Variants in SUMF1 observed in about 807,000 individuals in gnomAD.
The protein encoded by SUMF1 is sulfatase modifying factor 1, also known as formylglycine-generating enzyme.
A neutral mutation model predicts 47.6 loss-of-function variants in SUMF1; 48 were observed. The ratio of observed to expected loss-of-function variants is 1.01; its 90% CI spans 0.80 to 1.28. SUMF1 has a LOEUF of 1.28. Ranked by LOEUF, SUMF1 falls within the 50% of genes most tolerant of loss-of-function variation. SUMF1 has a pLI of 0.00. For missense variants in SUMF1, 571 were observed against 485.4 expected (o/e 1.18, Z -1.66); for synonymous variants, 230 against 192.1 (o/e 1.20, Z -1.63).
At chr3:4,215,055 A>G (rs956628743) in intron 8 of SUMF1, among the ~76,000 whole-genome samples, 6 of 152,114 alleles carry the variant, frequency 3.9e-5, no homozygotes, top group African/African-American at 1.2e-4. Context: ...TATGAGGCCA[A>G]CATCATCCTG....
In SUMF1 at chr3:4,072,080, A is replaced by T. The variant is rs568264570; in HGVS notation, c.1015-3335T>A. ...TCTGGCAGGTGCCCCTCTAAGACAA[A>T]TTTTCCAGAGTAAGGATCAGGCAGC... is the stretch of plus-strand genomic sequence containing the variant. On this transcript the variant is annotated intron_variant and NMD_transcript_variant, in intron 8 of 12. Transcript: ENST00000448413. Among the ~76,000 whole-genome samples, 3 of 152,082 alleles carry T rather than the reference A, an allele frequency of 2.0e-5. No individual in the cohort carries two copies. In the East Asian group the frequency reaches 5.8e-4, roughly 29 times the overall value.
At chr3:4,192,279 T>C (rs971612347) in intron 8 of SUMF1, among the ~76,000 whole-genome samples, 2 of 152,090 alleles carry the variant, frequency 1.3e-5, no homozygotes, top group Non-Finnish European at 2.9e-5. Flanking sequence ...GTCCTAAACT[T>C]CCAGTTCCAA....
chr3:4,297,787 T>G (rs1697883768), intron 8 of SUMF1, among the ~76,000 whole-genome samples: 2 of 152,086 alleles, frequency 1.3e-5, no homozygotes, highest in South Asian at 4.1e-4. Context: ...TTTCCTCCTT[T>G]CATCACTGGC....
chr3:4,451,545 A>T (rs1702968764), intron 2 of SUMF1, among the ~76,000 whole-genome samples: 1 of 152,176 alleles, frequency 6.6e-6, no homozygotes, highest in Non-Finnish European at 1.5e-5. Context: ...AATTCTGCTT[A>T]TTCTATCTAA....
At chr3:4,093,895 A>G (rs1692842748) in intron 8 of SUMF1, among the ~76,000 whole-genome samples, 1 of 152,110 alleles carries the variant, frequency 6.6e-6, no homozygotes, top group African/African-American at 2.4e-5. Flanking sequence ...TTTCAGTTCT[A>G]AGAGAGGGGA....
At chr3:4,381,891 C>T (rs978694011) in intron 7 of SUMF1, among the ~76,000 whole-genome samples, 1 of 152,006 alleles carries the variant, frequency 6.6e-6, no homozygotes, top group African/African-American at 2.4e-5. Context: ...ACAAAAAATA[C>T]AAAAATTAGC....
intron 8 of SUMF1, among the ~76,000 whole-genome samples, chr3:4,311,716 T>C (rs1399433461): frequency 1.3e-5 from 2 of 152,244 alleles, no homozygotes; most frequent in Non-Finnish European, 2.9e-5. Context: ...CTAAGCTCAC[T>C]AGACCTGTTT....
chr3:4,066,245 G>A (rs67916312), intron 9 of SUMF1, among the ~76,000 whole-genome samples: 12,802 of 151,592 alleles, frequency 0.084, 1,331 homozygotes, highest in African/African-American at 0.25. Flanking sequence ...AATGATATCA[G>A]TTCAGTCAAC....
At chr3:4,437,823 T>C (rs1316136647) in intron 3 of SUMF1, among the ~76,000 whole-genome samples, 3 of 151,902 alleles carry the variant, frequency 2.0e-5, no homozygotes, top group Non-Finnish European at 2.9e-5. Flanking sequence ...CCTGTAATTC[T>C]AGCTACTTGG....
chr3:4,210,283 C>G (rs1000958384), intron 8 of SUMF1, among the ~76,000 whole-genome samples: 1 of 152,132 alleles, frequency 6.6e-6, no homozygotes, highest in African/African-American at 2.4e-5. Context: ...CAGACATTTT[C>G]TACATTTATT....
At chr3:4,297,822 A>G (rs1339991117) in intron 8 of SUMF1, among the ~76,000 whole-genome samples, 1 of 152,190 alleles carries the variant, frequency 6.6e-6, no homozygotes, top group Non-Finnish European at 1.5e-5. Flanking sequence ...CAGAATATTA[A>G]GCTCAGATAA....
At chr3:4,098,559 G>T (rs533798324) in intron 8 of SUMF1, among the ~76,000 whole-genome samples, 1 of 152,236 alleles carries the variant, frequency 6.6e-6, no homozygotes, top group East Asian at 1.9e-4. Flanking sequence ...AAAAGCAAAA[G>T]AAACTGTCTA....
At chr3:4,177,138 A>G (rs1208668864) in intron 8 of SUMF1, among the ~76,000 whole-genome samples, 1 of 152,174 alleles carries the variant, frequency 6.6e-6, no homozygotes, top group Non-Finnish European at 1.5e-5. Flanking sequence ...AGTGGGACAG[A>G]AGGTTAACAA....
At chr3:4,399,227 ACAG>A (rs1293072527) in intron 7 of SUMF1, among the ~76,000 whole-genome samples, 12 of 152,188 alleles carry the variant, frequency 7.9e-5, no homozygotes, top group Non-Finnish European at 1.8e-4. Flanking sequence ...CCCCAGAAGC[ACAG>A]CAGTCTGGAG....
At chr3:4,098,591 C>T (rs1231156008) in intron 8 of SUMF1, among the ~76,000 whole-genome samples, 1 of 152,100 alleles carries the variant, frequency 6.6e-6, no homozygotes, top group Non-Finnish European at 1.5e-5. Context: ...TTCTGAGTCT[C>T]TAGATGTAGC....
chr3:4,282,544 T>A (rs1284859232), intron 8 of SUMF1, among the ~76,000 whole-genome samples: 1 of 152,186 alleles, frequency 6.6e-6, no homozygotes, highest in Non-Finnish European at 1.5e-5. Context: ...GAAAAATCCT[T>A]ATGGTAACAT....
chr3:4,381,250 C>T (rs547136606), intron 7 of SUMF1, among the ~76,000 whole-genome samples: 1 of 152,284 alleles, frequency 6.6e-6, no homozygotes, highest in African/African-American at 2.4e-5. Flanking sequence ...GAAAACCAAA[C>T]ATCATATGTT....
chr3:4,074,904 C>A (rs1203624404), intron 8 of SUMF1, among the ~76,000 whole-genome samples: 2 of 152,004 alleles, frequency 1.3e-5, no homozygotes, highest in African/African-American at 4.8e-5. Context: ...GAACCAAATT[C>A]CACCAGACGT....
intron 1 of SUMF1, among the ~76,000 whole-genome samples, chr3:4,462,203 C>T (rs1016041723): frequency 7.9e-5 from 12 of 152,272 alleles, no homozygotes; most frequent in Admixed American, 2.0e-4. Flanking sequence ...ACTTCCCAAC[C>T]CCCACCAAGC....
Sources: allele counts gnomAD v4.1 joint callset (sites outside exome capture counted in the v4.1 genomes callset), GRCh38; gene constraint gnomAD v4.1.1; transcripts MANE v1.5; gene names NCBI Gene and HGNC (gene_info 2026-07-23, HGNC 2026-07-21).